Variants in SCLT1 observed in about 807,000 individuals in gnomAD.
SCLT1 encodes the protein sodium channel-associated protein 1.
Under a neutral mutation model 112.8 loss-of-function variants are expected in SCLT1, and 78 were observed. The observed-to-expected ratio is 0.69, with a 90% CI of 0.58 to 0.83. The LOEUF is 0.83. Among genes scored for constraint, SCLT1 ranks in the 40% least tolerant of loss-of-function variants. The pLI is 0.00. For missense variants in SCLT1, 747 were observed against 770.4 expected (o/e 0.97, Z 0.36); for synonymous variants, 257 against 254.7 (o/e 1.01, Z -0.09).
At chr4:129,016,937 A>G (rs1745044753) in intron 5 of SCLT1, among the ~76,000 whole-genome samples, 1 of 152,200 alleles carries the variant, frequency 6.6e-6, no homozygotes, top group Non-Finnish European at 1.5e-5. Context: ...CTACTCTGTC[A>G]TTAATGTAAA....
At chr4:129,017,250 T>C (rs1430018970) in intron 5 of SCLT1, among the ~76,000 whole-genome samples, 2 of 152,158 alleles carry the variant, frequency 1.3e-5, no homozygotes, top group Non-Finnish European at 2.9e-5. Flanking sequence ...TGCATATCTA[T>C]GTTTGTGAGT....
Position 129,029,777 on chromosome 4 carries a change from T to C in SCLT1, c.290+9264A>G, listed in dbSNP as rs186938024. 3.6e-4 allele frequency among the ~76,000 whole-genome samples: 55 copies of C among 152,240 alleles called. No homozygotes were observed. The East Asian group carries it at 9.8e-3, about 27-fold the overall frequency. ...CAGGAAGAGCTAACTACCCTAAATA[T>C]ATGTGTACCAAATACATGAGCAACC... is the stretch of plus-strand genomic sequence containing the variant. On this transcript the variant is annotated intron_variant, in intron 5 of 20. Coordinates refer to ENST00000281142, the MANE Select transcript of SCLT1 (RefSeq NM_144643.4).
chr4:129,023,754 CG>C (rs1745721127), intron 5 of SCLT1, among the ~76,000 whole-genome samples: 1 of 152,116 alleles, frequency 6.6e-6, no homozygotes, highest in South Asian at 2.1e-4. Flanking sequence ...ACTCGGGAAG[CG>C]CAAGGGGTCA....
chr4:129,093,308 T>C lies in SCLT1; in HGVS notation c.-205A>G, dbSNP rs1017497678. ...GCCCCAGACGAGTCCCTGGCCCTGGTGAGAGACTGAAGATTGCTGGGGACT... is the reference window on the plus strand; with the variant it reads ...GCCCCAGACGAGTCCCTGGCCCTGGCGAGAGACTGAAGATTGCTGGGGACT... On this transcript the variant is annotated 5_prime_UTR_variant, in exon 1 of 21. Transcript: ENST00000281142. 1.3e-5 allele frequency: 8 copies of C among 601,550 alleles called. No homozygotes were observed. The highest frequency in any genetic ancestry group is 2.9e-5 in the Admixed American group (1 of 34,116). The allele number at this position is 601,550 out of a possible 1,614,324, so 37.3% of individuals were successfully genotyped here. A position where few individuals can be genotyped will look rare whatever the true frequency, so the allele number is the denominator to read the frequency against.
chr4:129,077,994 G>T (rs187236143), intron 2 of SCLT1, among the ~76,000 whole-genome samples: 3 of 152,114 alleles, frequency 2.0e-5, no homozygotes, highest in African/African-American at 7.2e-5. Context: ...CATGGGGATG[G>T]GAGTCTGGAA....
At chr4:128,952,909 T>A in intron 13 of SCLT1, 69 bp from the exon 14 acceptor site, 1 of 798,134 alleles carries the variant, frequency 1.3e-6, no homozygotes, top group Non-Finnish European at 2.2e-6. Context: ...ATAAAAACAC[T>A]CAGGATAATA....
intron 5 of SCLT1, among the ~76,000 whole-genome samples, chr4:129,029,044 T>C (rs1746428969): frequency 6.6e-6 from 1 of 152,152 alleles, no homozygotes; most frequent in Non-Finnish European, 1.5e-5. Flanking sequence ...CTGGAGAGGA[T>C]GCGGAGAAAT....
intron 11 of SCLT1, among the ~76,000 whole-genome samples, chr4:128,963,454 G>A (rs6830229): frequency 0.74 from 112,726 of 152,008 alleles, 42,949 homozygotes; most frequent in African/African-American, 0.93. Flanking sequence ...TAGGTGCTCA[G>A]CACACATTGA....
At chr4:129,009,286 C>T (rs925629433) in intron 5 of SCLT1, among the ~76,000 whole-genome samples, 5 of 152,070 alleles carry the variant, frequency 3.3e-5, no homozygotes, top group African/African-American at 4.8e-5. Flanking sequence ...GAGGCCAAGG[C>T]AGGCAGATCA....
rs542863745 is a variant in SCLT1 at position 129,029,535 on chromosome 4, A to C, written c.290+9506T>G. ...CACACCAGGGCCTGTTGTGGGGTGG[A>C]GGGAGGGGGGAGGGATAGCATTAGG... is the stretch of plus-strand genomic sequence containing the variant. On this transcript the variant is annotated intron_variant, in intron 5 of 20. Coordinates refer to ENST00000281142, the MANE Select transcript of SCLT1 (RefSeq NM_144643.4). Among the ~76,000 whole-genome samples the C allele has an allele frequency of 7.8e-4, 98 of 125,406 alleles. 2 individuals are homozygous for C. Among genetic ancestry groups the C allele is most frequent in the African/African-American group, 2.8e-3 (95 of 34,196 alleles). 82.3% of individuals were successfully genotyped at this position (125,406 alleles called of 152,430 possible).
intron 5 of SCLT1, chr4:128,873,273 GAAA>G: frequency 1.3e-5 from 1 of 78,678 alleles, no homozygotes; most frequent in Non-Finnish European, 2.7e-5. Context: ...AAAAAAAAAA[GAAA>G]AAAAGAAAAA....
rs567641304 is a variant in SCLT1 at position 128,920,448 on chromosome 4, C to T, written c.1829+16207G>A. ...CTGGAATTACAGGCACACGCCACCA[C>T]GCCCAGCTAATTTTTGTATTTTTAG... On this transcript the variant is annotated intron_variant, in intron 18 of 20. Transcript: ENST00000281142. 1.5e-4 allele frequency among the ~76,000 whole-genome samples: 23 copies of T among 152,278 alleles called. 1 individual carries two copies. The East Asian group carries it at 1.7e-3, about 12-fold the overall frequency.
chr4:129,017,204 A>G (rs1745070249), intron 5 of SCLT1, among the ~76,000 whole-genome samples: 2 of 151,356 alleles, frequency 1.3e-5, no homozygotes, highest in South Asian at 2.1e-4. Flanking sequence ...TGGGGGGGGA[A>G]TTTGTATGTG....
chr4:128,909,667 G>A (rs1734944105), intron 18 of SCLT1, among the ~76,000 whole-genome samples: 1 of 152,120 alleles, frequency 6.6e-6, no homozygotes, highest in African/African-American at 2.4e-5. Context: ...TCTTGTCTTT[G>A]CTGTATTCCC....
chr4:128,982,384 C>A (rs750502273), intron 9 of SCLT1, among the ~76,000 whole-genome samples: 2 of 152,152 alleles, frequency 1.3e-5, no homozygotes, highest in Non-Finnish European at 2.9e-5. Flanking sequence ...ACCTTCAGAG[C>A]ACAGATGTAC....
At chr4:129,049,484 TG>T (rs1420915503) in intron 2 of SCLT1, among the ~76,000 whole-genome samples, 13 of 58,190 alleles carry the variant, frequency 2.2e-4, no homozygotes, top group African/African-American at 8.6e-4. Flanking sequence ...TGTTGTGGGG[TG>T]GGGGGAGGGG....
intron 2 of SCLT1, among the ~76,000 whole-genome samples, chr4:129,045,990 T>C (rs1430443717): frequency 6.6e-6 from 1 of 151,986 alleles, no homozygotes; most frequent in Non-Finnish European, 1.5e-5. Flanking sequence ...AGACATACCA[T>C]GAAAGAGGCA....
chr4:128,973,444 G>A (rs1740869762), intron 9 of SCLT1, among the ~76,000 whole-genome samples: 1 of 150,036 alleles, frequency 6.7e-6, no homozygotes, highest in African/African-American at 2.5e-5. Context: ...GAGAGGGGAG[G>A]GGAAGGAGTA....
chr4:128,962,571 C>T (rs1240230635), intron 11 of SCLT1, among the ~76,000 whole-genome samples: 1 of 152,132 alleles, frequency 6.6e-6, no homozygotes, highest in South Asian at 2.1e-4. Flanking sequence ...TCTAAACCCC[C>T]TCTATCATTT....
Sources: gnomAD v4.1 joint callset for allele counts (sites outside exome capture counted in the v4.1 genomes callset) on GRCh38, gnomAD v4.1.1 for gene constraint, MANE v1.5 for transcripts, NCBI Gene and HGNC (gene_info 2026-07-23, HGNC 2026-07-21) for gene names.